Variants in CACNA2D3 observed in about 807,000 individuals in gnomAD.
CACNA2D3 encodes the protein voltage-dependent calcium channel subunit alpha-2/delta-3.
CACNA2D3 carries 60 observed loss-of-function variants against 160.6 expected under a neutral mutation model. The ratio of observed to expected loss-of-function variants is 0.37; its 90% CI spans 0.30 to 0.46. The LOEUF (loss-of-function observed/expected upper bound fraction) is 0.46. CACNA2D3 is among the 20% of genes least tolerant of loss of function. The pLI, the probability that CACNA2D3 is intolerant of heterozygous loss-of-function variation, is 1.00. For missense variants in CACNA2D3, 1,205 were observed against 1,365.0 expected, an observed-to-expected ratio of 0.88 and a Z score of 1.85; for synonymous variants, 558 against 492.9, an observed-to-expected ratio of 1.13 and a Z score of -1.75.
At chr3:55,039,376 C>A (rs1703910563) in intron 35 of CACNA2D3, among the ~76,000 whole-genome samples, 1 of 152,094 alleles carries the variant, frequency 6.6e-6, no homozygotes, top group Admixed American at 6.5e-5. Flanking sequence ...GCACAAATCT[C>A]TTTTTGACCT....
At chr3:54,887,122 C>T (rs1699944830) in intron 23 of CACNA2D3, among the ~76,000 whole-genome samples, 1 of 152,056 alleles carries the variant, frequency 6.6e-6, no homozygotes, top group Admixed American at 6.6e-5. Flanking sequence ...CAGACATTCT[C>T]CTTTAAAATG....
chr3:54,524,549 C>G (rs747756131), intron 5 of CACNA2D3, among the ~76,000 whole-genome samples: 6 of 151,866 alleles, frequency 4.0e-5, no homozygotes, highest in Non-Finnish European at 8.8e-5. Context: ...TAATCTTCTG[C>G]CTAGTTGTTT....
intron 3 of CACNA2D3, among the ~76,000 whole-genome samples, chr3:54,337,983 TTAAG>T (rs2107523421): frequency 6.6e-6 from 1 of 152,322 alleles, no homozygotes; most frequent in South Asian, 2.1e-4. Context: ...TTTGGGTGCC[TTAAG>T]TGAGTGCCTC....
intron 12 of CACNA2D3, among the ~76,000 whole-genome samples, chr3:54,763,690 T>C (rs1167355983): frequency 1.4e-5 from 2 of 141,000 alleles, no homozygotes; most frequent in Non-Finnish European, 3.1e-5. Flanking sequence ...TATATGTGTG[T>C]ATATATGTAT....
intron 17 of CACNA2D3, among the ~76,000 whole-genome samples, chr3:54,865,014 T>G: frequency 6.6e-6 from 1 of 152,232 alleles, no homozygotes; most frequent in East Asian, 1.9e-4. Flanking sequence ...ACATTCACCT[T>G]CATGACGAAT....
At chr3:54,335,266 G>A (rs1559453273) in intron 3 of CACNA2D3, among the ~76,000 whole-genome samples, 1 of 152,160 alleles carries the variant, frequency 6.6e-6, no homozygotes, top group African/African-American at 2.4e-5. Flanking sequence ...AGAATTCAGG[G>A]CGAGTCCATA....
At chr3:54,512,694 A>G (rs888396855) in intron 5 of CACNA2D3, among the ~76,000 whole-genome samples, 1 of 152,048 alleles carries the variant, frequency 6.6e-6, no homozygotes, top group African/African-American at 2.4e-5. Context: ...CTCATGATGC[A>G]TGGATGTGGT....
At chr3:54,493,060 C>CTTTTTTTTTTTT (rs34225864) in intron 4 of CACNA2D3, among the ~76,000 whole-genome samples, 2 of 58,796 alleles carry the variant, frequency 3.4e-5, no homozygotes, top group African/African-American at 1.5e-4. Context: ...TTGCTCAAAA[C>CTTTTTTTTTTTT]TTTTTTTTTT....
intron 4 of CACNA2D3, among the ~76,000 whole-genome samples, chr3:54,432,512 T>A (rs1186503269): frequency 6.6e-6 from 1 of 152,168 alleles, no homozygotes; most frequent in Non-Finnish European, 1.5e-5. Flanking sequence ...CTTTCCCTAA[T>A]TATCTGTGAT....
At chr3:54,786,056 A>G (rs565708860) in intron 13 of CACNA2D3, among the ~76,000 whole-genome samples, 8 of 152,218 alleles carry the variant, frequency 5.3e-5, no homozygotes, top group East Asian at 1.9e-4. Context: ...ACACTTACCT[A>G]ATCTTTATGT....
At position 54,400,032 on chromosome 3, in the gene CACNA2D3, T is replaced by G. The variant is rs9827353; in HGVS notation, c.381+13258T>G. Among the ~76,000 whole-genome samples the G allele has an allele frequency of 6.5e-3, 756 of 115,722 alleles. 16 individuals carry two copies. The highest frequency in any genetic ancestry group is 0.025 in the African/African-American group (728 of 29,124). The allele number at this position is 115,722 out of a possible 152,430, so 75.9% of individuals were successfully genotyped here. ...CCGTTTTTTAAGCCGGTCTGAAAAG[T>G]GCAATATTCGGGTGGGAGTGACCCG... On this transcript the variant is annotated intron_variant, in intron 4 of 37. Transcript: ENST00000474759.
chr3:54,470,973 T>C (rs761918039), intron 4 of CACNA2D3, among the ~76,000 whole-genome samples: 4 of 152,172 alleles, frequency 2.6e-5, no homozygotes, highest in African/African-American at 4.8e-5. Flanking sequence ...TGAGAGACTT[T>C]AACATACCAC....
chr3:54,358,207 A>C (rs1335124862), intron 3 of CACNA2D3, among the ~76,000 whole-genome samples: 1 of 152,240 alleles, frequency 6.6e-6, no homozygotes, highest in Non-Finnish European at 1.5e-5. Context: ...CTGTAAACTT[A>C]AAATCACTCC....
intron 2 of CACNA2D3, among the ~76,000 whole-genome samples, chr3:54,314,373 G>T (rs774235445): frequency 6.6e-6 from 1 of 152,212 alleles, no homozygotes; most frequent in Non-Finnish European, 1.5e-5. Context: ...GCATGTGTGT[G>T]CAAGTATCTT....
chr3:54,637,584 C>T (rs1699406508), intron 10 of CACNA2D3: 1 of 151,900 alleles, frequency 6.6e-6, no homozygotes, highest in Non-Finnish European at 1.5e-5. Context: ...ATACTCACAA[C>T]AGTTATGGAG....
Position 54,689,010 on chromosome 3 carries a change from A to AAAAAAAAAAAAAGAG in CACNA2D3, c.1167+46770_1167+46771insAAAAAAAAAAAGAGA, listed in dbSNP as rs1553785965. ...AAAAAAAAAAAAAAAAAAAAAAAAA[A>AAAAAAAAAAAAAGAG]AGAATGAGGTTGTATACATAAAGCA... On this transcript the variant is annotated intron_variant, in intron 11 of 37. Transcript: ENST00000474759. Among the ~76,000 whole-genome samples the AAAAAAAAAAAAAGAG allele has an allele frequency of 6.0e-4, 51 of 85,496 alleles. 18 individuals carry two copies. The highest frequency in any genetic ancestry group is 1.1e-3 in the African/African-American group (25 of 23,016). The allele number at this position is 85,496 out of a possible 152,430, so 56.1% of individuals were successfully genotyped here.
chr3:54,878,748 AC>A (rs1699722274), intron 18 of CACNA2D3: 1 of 294,234 alleles, frequency 3.4e-6, no homozygotes, highest in African/African-American at 2.2e-5. Flanking sequence ...TCACGCTCTG[AC>A]CCCCGGGATT....
At chr3:54,608,503 A>G (rs1698682977) in intron 9 of CACNA2D3, among the ~76,000 whole-genome samples, 1 of 152,170 alleles carries the variant, frequency 6.6e-6, no homozygotes, top group Admixed American at 6.5e-5. Flanking sequence ...CACACACAAT[A>G]AAGAGTAGTA....
intron 4 of CACNA2D3, among the ~76,000 whole-genome samples, chr3:54,458,453 GTT>G (rs556768852): frequency 6.9e-6 from 1 of 144,792 alleles, no homozygotes. Flanking sequence ...TTTGCTGGCA[GTT>G]TTTTTTTTTT....
Sources: gnomAD v4.1 joint callset for allele counts (sites outside exome capture counted in the v4.1 genomes callset) on GRCh38, gnomAD v4.1.1 for gene constraint, MANE v1.5 for transcripts, NCBI Gene and HGNC (gene_info 2026-07-23, HGNC 2026-07-21) for gene names.